Variants in STAU2 observed in about 807,000 individuals in gnomAD.
STAU2 encodes the protein staufen double-stranded RNA binding protein 2, also known as double-stranded RNA-binding protein Staufen homolog 2.
A neutral mutation model predicts 65.9 loss-of-function variants in STAU2; 20 were observed. The ratio of observed to expected loss-of-function variants is 0.30; its 90% CI spans 0.21 to 0.44. STAU2 has a LOEUF of 0.44. Ranked by LOEUF, STAU2 falls within the 20% of genes least tolerant of loss-of-function variation. STAU2 has a pLI of 1.00. For synonymous variants in STAU2, 232 were observed against 233.9 expected (o/e 0.99, Z 0.07); for missense variants, 558 against 683.9 (o/e 0.82, Z 2.05).
chr8:73,597,003 T>C (rs182987912), intron 10 of STAU2, among the ~76,000 whole-genome samples: 7 of 152,168 alleles, frequency 4.6e-5, no homozygotes, highest in African/African-American at 1.7e-4. Flanking sequence ...AAGGAGGGTC[T>C]AGAAGAAAAT....
chr8:73,519,456 G>A (rs972174900), intron 13 of STAU2, among the ~76,000 whole-genome samples: 11 of 152,056 alleles, frequency 7.2e-5, no homozygotes, highest in Non-Finnish European at 1.0e-4. Context: ...AGGACGCCAC[G>A]AAAAATGTAC....
chr8:73,558,512 G>A (rs1004117349), intron 12 of STAU2, among the ~76,000 whole-genome samples: 2 of 152,198 alleles, frequency 1.3e-5, no homozygotes, highest in Non-Finnish European at 2.9e-5. Flanking sequence ...GAGTTGAAGA[G>A]GGACTTTTGA....
intron 13 of STAU2, among the ~76,000 whole-genome samples, chr8:73,526,050 C>G (rs894625277): frequency 5.9e-5 from 9 of 152,170 alleles, no homozygotes; most frequent in African/African-American, 2.2e-4. Flanking sequence ...AATGTAAAAC[C>G]CTGAGAAGCA....
chr8:73,550,350 T>C, intron 13 of STAU2: 1 of 983,714 alleles, frequency 1.0e-6, no homozygotes, highest in Non-Finnish European at 1.2e-6. Context: ...ATAATTATTG[T>C]CATTGCCAAG....
intron 13 of STAU2, among the ~76,000 whole-genome samples, chr8:73,487,300 G>C (rs1391642008): frequency 6.6e-6 from 1 of 152,040 alleles, no homozygotes. Flanking sequence ...TCTGGTGGGT[G>C]GTAGGAGTGG....
At chr8:73,526,019 T>C (rs1163897508) in intron 13 of STAU2, among the ~76,000 whole-genome samples, 1 of 152,178 alleles carries the variant, frequency 6.6e-6, no homozygotes, top group Non-Finnish European at 1.5e-5. Flanking sequence ...TGCACTCTCT[T>C]CTACAGCTAG....
At chr8:73,598,963 T>C (rs566367079) in intron 10 of STAU2, among the ~76,000 whole-genome samples, 13 of 152,346 alleles carry the variant, frequency 8.5e-5, no homozygotes, top group African/African-American at 2.6e-4. Flanking sequence ...CAAAGTCTTA[T>C]TGAGAAACTT....
At chr8:73,629,309 T>C (rs1322250073) in intron 6 of STAU2, among the ~76,000 whole-genome samples, 1 of 152,224 alleles carries the variant, frequency 6.6e-6, no homozygotes, top group East Asian at 1.9e-4. Context: ...TTGAGTTATA[T>C]TTCTACAGGA....
intron 4 of STAU2, among the ~76,000 whole-genome samples, chr8:73,694,193 T>C (rs1055868453): frequency 6.6e-6 from 1 of 152,124 alleles, no homozygotes; most frequent in Admixed American, 6.5e-5. Context: ...CTTAAATAAA[T>C]GAAGCAAAAA....
intron 13 of STAU2, among the ~76,000 whole-genome samples, chr8:73,466,081 A>G (rs571007319): frequency 2.0e-5 from 3 of 152,350 alleles, no homozygotes; most frequent in East Asian, 1.9e-4. Flanking sequence ...AGATGCTCTC[A>G]TCTTAAACTC....
chr8:73,695,738 G>A (rs1022227647), intron 4 of STAU2, among the ~76,000 whole-genome samples: 11 of 152,134 alleles, frequency 7.2e-5, no homozygotes, highest in Non-Finnish European at 1.5e-4. Context: ...ATGAGCCCAT[G>A]GACCAGTGGT....
At chr8:73,596,764 G>A (rs983783751) in intron 10 of STAU2, among the ~76,000 whole-genome samples, 1 of 152,116 alleles carries the variant, frequency 6.6e-6, no homozygotes, top group African/African-American at 2.4e-5. Flanking sequence ...TGGGAAGACT[G>A]CTTGAGCCCA....
chr8:73,674,696 AATT>A (rs962305529), intron 5 of STAU2, among the ~76,000 whole-genome samples: 1 of 143,820 alleles, frequency 7.0e-6, no homozygotes, highest in African/African-American at 2.6e-5. Context: ...GCTATTATAA[AATT>A]ATTTTATATA....
intron 13 of STAU2, among the ~76,000 whole-genome samples, chr8:73,441,715 G>C (rs1818152991): frequency 6.6e-6 from 1 of 152,180 alleles, no homozygotes; most frequent in Admixed American, 6.5e-5. Context: ...TTAGGGAGCA[G>C]ATTATTTCGC....
At chr8:73,615,929 C>T (rs908749653) in intron 7 of STAU2, 147 bp from the exon 8 acceptor site, 7 of 543,864 alleles carry the variant, frequency 1.3e-5, no homozygotes, top group South Asian at 8.5e-5. Flanking sequence ...GTAACCACAG[C>T]GGTCAAGGGC....
intron 10 of STAU2, 70 bp from the exon 11 acceptor site, chr8:73,595,367 A>C (rs1586082844): frequency 7.2e-7 from 1 of 1,391,950 alleles, no homozygotes; most frequent in Non-Finnish European, 9.6e-7. Flanking sequence ...TCCTTACATC[A>C]TAAAGCAATT....
At chr8:73,494,388 C>T (rs557529334) in intron 13 of STAU2, among the ~76,000 whole-genome samples, 1 of 151,486 alleles carries the variant, frequency 6.6e-6, no homozygotes, top group Admixed American at 6.6e-5. Context: ...TATAAAATTC[C>T]GTCTCTCTTA....
intron 13 of STAU2, among the ~76,000 whole-genome samples, chr8:73,459,483 G>C (rs577086397): frequency 6.6e-6 from 1 of 152,060 alleles, no homozygotes; most frequent in African/African-American, 2.4e-5. Context: ...TTTTTAAAAG[G>C]GGAACTTTAA....
intron 6 of STAU2, among the ~76,000 whole-genome samples, chr8:73,627,233 A>AGGGGGG (rs1563467228): frequency 2.0e-3 from 10 of 5,082 alleles, no homozygotes; most frequent in Non-Finnish European, 2.2e-3. Context: ...AGGGGGGGGC[A>AGGGGGG]GGAGGGCGGG....
Sources: gnomAD v4.1 joint callset for allele counts (sites outside exome capture counted in the v4.1 genomes callset) on GRCh38, gnomAD v4.1.1 for gene constraint, MANE v1.5 for transcripts, NCBI Gene and HGNC (gene_info 2026-07-23, HGNC 2026-07-21) for gene names.